The following HK3 variants were observed in gnomAD, a reference collection of about 807,000 sequenced individuals.
The protein encoded by HK3 is hexokinase-3.
A neutral mutation model predicts 91.0 loss-of-function variants in HK3; 93 were observed. That is an observed-to-expected ratio of 1.02 (90% CI 0.86 to 1.21). The LOEUF (loss-of-function observed/expected upper bound fraction) is 1.21. HK3 is among the 50% of genes most tolerant of loss of function. The pLI, the probability that HK3 is intolerant of heterozygous loss-of-function variation, is 0.00. For synonymous variants in HK3, 519 were observed against 516.9 expected (o/e 1.00, Z -0.06); for missense variants, 1,235 against 1,247.4 (o/e 0.99, Z 0.15).
In HK3 at chr5:176,891,392, G is replaced by T. The variant is rs751060895; in HGVS notation, c.255C>A (p.Gly85=). 1.2e-6 allele frequency: 2 copies of T among 1,612,758 alleles called. No homozygotes were observed. Among genetic ancestry groups the T allele is most frequent in the Admixed American group, 3.3e-5 (2 of 59,944 alleles). Residue 85 remains glycine, a synonymous_variant, in exon 3 of 19, where the codon GGC becomes GGA. Coordinates refer to ENST00000292432, the MANE Select transcript of HK3 (RefSeq NM_002115.3). ...LPTYVGSTPH[G]TEQGDFVVLE... ...ATCTCAATCTATGATACCCACCAGT[G>T]CCATGTGGGGTGGACCCCACGTATG...
chr5:176,891,178 G>A lies in HK3; in HGVS notation c.273C>T (p.Phe91=), dbSNP rs756951418. ...STPHGTEQGD[F]VVLELGATGA... is the part of the protein sequence containing the mutation. The stretch of plus-strand genomic sequence containing the variant: ...CTGTGGCCCCCAGCTCCAGCACCAC[G>A]AAGTCTCCTTGCTCTGGAGGGCAAG... The change falls in exon 4 of 19, where the codon TTC becomes TTT. Residue 91 remains phenylalanine, a synonymous_variant. Transcript: ENST00000292432. The A allele has an allele frequency of 7.4e-6, 12 of 1,614,122 alleles. No homozygotes were observed. Among genetic ancestry groups the A allele is most frequent in the East Asian group, 2.2e-5 (1 of 44,868 alleles).
chr5:176,889,236 G>A, intron 8 of HK3, 145 bp downstream of exon 8: 1 of 896,188 alleles, frequency 1.1e-6, no homozygotes, highest in Non-Finnish European at 1.7e-6. Flanking sequence ...TTTGAACCTG[G>A]CCAGGGCCCC....
chr5:176,896,230 G>A lies in HK3; in HGVS notation c.-26-45C>T. The A allele has an allele frequency of 7.2e-6, 8 of 1,104,108 alleles. No individual in the cohort carries two copies. In the South Asian group the frequency reaches 1.3e-4, roughly 17 times the overall value. The allele number at this position is 1,104,108 out of a possible 1,614,324, so 68.4% of individuals were successfully genotyped here. A position where few individuals can be genotyped will look rare whatever the true frequency, so the allele number is the denominator to read the frequency against. On this transcript the variant is annotated intron_variant, in intron 1 of 18. Coordinates refer to ENST00000292432, the MANE Select transcript of HK3 (RefSeq NM_002115.3). ...ACCTGGGTCAACCATTTACTCTATAGGCCCTAGGAGTCTGTAACCCAGACC... is the reference window on the plus strand; with the variant it reads ...ACCTGGGTCAACCATTTACTCTATAAGCCCTAGGAGTCTGTAACCCAGACC...
rs1243025667 is a variant in HK3, at chr5:176,890,674, A to G, written c.591T>C (p.Asp197=). The stretch of plus-strand genomic sequence containing the variant: ...TGGCATCTCTCAGCAGCTGGACCAC[A>G]TCCTGGCCTTCCACACCACTGCACC... ...GFRCSGVEGQ[D]VVQLLRDAIR... Residue 197 remains aspartate, a synonymous_variant, in exon 6 of 19, where the codon GAT becomes GAC. Coordinates refer to ENST00000292432, the MANE Select transcript of HK3 (RefSeq NM_002115.3). 1 of 1,614,086 alleles carries G rather than the reference A, an allele frequency of 6.2e-7. No individual in the cohort carries two copies.
In HK3 at chr5:176,881,393, C is replaced by T; in HGVS notation, c.2536G>A (p.Ala846Thr). Residue 846 changes from alanine to threonine, a missense_variant, in exon 18 of 19, where the codon GCC becomes ACC. By Grantham distance (58) the Ala-to-Thr change is moderately conservative (BLOSUM62 0). Coordinates refer to ENST00000292432, the MANE Select transcript of HK3 (RefSeq NM_002115.3). ...TTCTCCCGGATCTTCTCCACCACGGCAGCTACACCCGCCCCACAGAGCTGG... is the reference window on the plus strand; with the variant it reads ...TTCTCCCGGATCTTCTCCACCACGGTAGCTACACCCGCCCCACAGAGCTGG... ...AAQLCGAGVA[A>T]VVEKIRENRG... 6.2e-7 allele frequency: 1 copy of T among 1,613,588 alleles called. No individual in the cohort carries two copies. Among genetic ancestry groups the T allele is most frequent in the Non-Finnish European group, 8.5e-7 (1 of 1,180,034 alleles).
At chr5:176,888,079 A>G (rs1758650751) in intron 10 of HK3, among the ~76,000 whole-genome samples, 1 of 151,978 alleles carries the variant, frequency 6.6e-6, no homozygotes, top group South Asian at 2.1e-4. Context: ...TATCACTTCA[A>G]TTTGAAATCT....
chr5:176,888,929 C>T lies in HK3; in HGVS notation c.915-65G>A, dbSNP rs1320264166. On this transcript the variant is annotated intron_variant, in intron 8 of 18. Transcript: ENST00000292432. ...GCCCTCAGTCCACCTGGCCCTACCT[C>T]CAAGAGTTCCCAAAGAAGGATTCTT... 3.9e-6 allele frequency: 6 copies of T among 1,533,876 alleles called. No individual in the cohort carries two copies. The South Asian group carries it at 6.0e-5, about 15-fold the overall frequency.
intron 6 of HK3, among the ~76,000 whole-genome samples, chr5:176,890,182 C>T (rs374977182): frequency 2.0e-5 from 3 of 152,152 alleles, no homozygotes. Flanking sequence ...TTGTGTGTGG[C>T]CTTCTCTGAG....
At position 176,889,503 on chromosome 5, in the gene HK3, G is replaced by T; in HGVS notation, c.792C>A (p.Asp264Glu). Residue 264 changes from aspartate to glutamate, a missense_variant, in exon 8 of 19, where the codon GAC (aspartate) becomes GAA (glutamate). By Grantham distance (45) the Asp-to-Glu change is conservative (BLOSUM62 2). Transcript: ENST00000292432. ...CGACGCTGACGCAGACGCGGCCCCG[G>T]TCTTCGTCCAGCACTGCCACATGCC... ...EARHVAVLDE[D>E]RGRVCVSVEW... is the part of the protein sequence containing the mutation. 1 of 1,614,160 alleles carries T rather than the reference G, an allele frequency of 6.2e-7. No homozygotes were observed. Among genetic ancestry groups the T allele is most frequent in the Non-Finnish European group, 8.5e-7 (1 of 1,180,038 alleles).
At position 176,887,607 on chromosome 5, in the gene HK3, G is replaced by T; in HGVS notation, c.1444C>A (p.Leu482Met). The change falls in exon 11 of 19, where the codon CTG becomes ATG. Residue 482 changes from leucine (L) to methionine (M), a missense_variant. Leu to Met is a conservative substitution (Grantham distance 15). Coordinates refer to ENST00000292432, the MANE Select transcript of HK3 (RefSeq NM_002115.3). The surrounding 1 kb of genome is among the most constrained non-coding windows in gnomAD (Gnocchi z 4.9). ...AATGGGGCCAGGGTCTCCTCCAGCAGGCGCCGGTGGGCAGCCAGACGGGCA... is the reference window on the plus strand; with the variant it reads ...AATGGGGCCAGGGTCTCCTCCAGCATGCGCCGGTGGGCAGCCAGACGGGCA... ...VAARLAAHRR[L>M]LEETLAPFRL... 6.2e-7 allele frequency: 1 copy of T among 1,613,794 alleles called. No individual in the cohort carries two copies.
In HK3 at chr5:176,888,602, A is replaced by C. The variant is rs746709244; in HGVS notation, c.1071-37T>G. ...AGGGAAGTGGTTTGGGGCTCAGCCCAGAAGCTCCCCATCCCACTAAAGCCC... is the reference window on the plus strand; with the variant it reads ...AGGGAAGTGGTTTGGGGCTCAGCCCCGAAGCTCCCCATCCCACTAAAGCCC... On this transcript the variant is annotated intron_variant, in intron 9 of 18. Coordinates refer to ENST00000292432, the MANE Select transcript of HK3 (RefSeq NM_002115.3). 3.7e-4 allele frequency: 600 copies of C among 1,603,016 alleles called. 1 individual carries two copies. The highest frequency in any genetic ancestry group is 4.6e-4 in the Non-Finnish European group (536 of 1,172,900).
At position 176,881,703 on chromosome 5, in the gene HK3, A is replaced by G. The variant is rs1454934972; in HGVS notation, c.2382T>C (p.Ser794=). 1.2e-6 allele frequency: 2 copies of G among 1,611,754 alleles called. No individual in the cohort carries two copies. The highest frequency in any genetic ancestry group is 1.7e-6 in the Non-Finnish European group (2 of 1,178,038). Residue 794 remains serine, a synonymous_variant, in exon 17 of 19, where the codon TCT becomes TCC. Transcript: ENST00000292432. The part of the protein sequence containing the change: ...TRDIFKTKFL[S]EIESDSLALR... ...TAGGCCTCAGGCACCTTTCGATCTC[A>G]GAGAGGAACTTGGTCTTGAAGATGT...
intron 6 of HK3, 144 bp downstream of exon 6, chr5:176,890,491 T>TAGGTTAAACTGGATGG: frequency 2.8e-6 from 2 of 720,814 alleles, no homozygotes; most frequent in Admixed American, 2.1e-5. Flanking sequence ...GTACCATGTA[T>TAGGTTAAACTGGATGG]AGGTTAAACT....
At chr5:176,892,311 G>A (rs1012505265) in intron 2 of HK3, among the ~76,000 whole-genome samples, 2 of 152,140 alleles carry the variant, frequency 1.3e-5, no homozygotes, top group Non-Finnish European at 2.9e-5. Flanking sequence ...GTTCAAGAGG[G>A]TTTCCCTGAG....
At position 176,884,086 on chromosome 5, in the gene HK3, C is replaced by T. The variant is rs1758517308; in HGVS notation, c.1906G>A (p.Gly636Ser). ...CGCAACAGACTCACGACATCTTGGC[C>T]CTCGCAGTCTGATGCCTTGAAACCC... ...TKGFKASDCE[G>S]QDVVSLLREA... Residue 636 changes from glycine (G) to serine (S), a missense_variant, in exon 14 of 19, where the codon GGC (glycine) becomes AGC (serine). Gly to Ser is a moderately conservative substitution (Grantham distance 56). This residue lies in a region of HK3 where 513 missense variants were observed against 477.4 expected (regional missense o/e 1.07). Coordinates refer to ENST00000292432, the MANE Select transcript of HK3 (RefSeq NM_002115.3). The surrounding 1 kb of genome is among the most constrained non-coding windows in gnomAD (Gnocchi z 4.1). 1 of 1,614,046 alleles carries T rather than the reference C, an allele frequency of 6.2e-7. No individual in the cohort carries two copies. Among genetic ancestry groups the T allele is most frequent in the South Asian group, 1.1e-5 (1 of 91,082 alleles).
intron 15 of HK3, among the ~76,000 whole-genome samples, chr5:176,882,982 C>T (rs1758484461): frequency 6.6e-6 from 1 of 152,172 alleles, no homozygotes; most frequent in Admixed American, 6.5e-5. Context: ...GACCAATGCC[C>T]CAGGAGCTGT....
At position 176,881,726 on chromosome 5, in the gene HK3, T is replaced by C. The variant is rs1414630958; in HGVS notation, c.2359A>G (p.Ile787Val). Residue 787 changes from isoleucine (I) to valine (V), a missense_variant, in exon 17 of 19, where the codon ATC becomes GTC. Ile to Val is a conservative substitution (Grantham distance 29). Transcript: ENST00000292432. Reference protein sequence around the residue: ...QQIQRLQTRDIFKTKFLSEIE... With the variant: ...QQIQRLQTRDVFKTKFLSEIE... ...TCAGAGAGGAACTTGGTCTTGAAGA[T>C]GTCCCTGGTCTGAAGGCGCTGGATC... 1 of 1,614,182 alleles carries C rather than the reference T, an allele frequency of 6.2e-7. No homozygotes were observed. The highest frequency in any genetic ancestry group is 1.7e-5 in the Admixed American group (1 of 60,028).
At chr5:176,891,910 AGTT>A (rs1219068224) in intron 2 of HK3, among the ~76,000 whole-genome samples, 5 of 152,196 alleles carry the variant, frequency 3.3e-5, no homozygotes, top group Admixed American at 1.3e-4. Flanking sequence ...TCTCTCAGTG[AGTT>A]GTTGTTGAAC....
At chr5:176,883,305 C>T (rs1401139563) in intron 15 of HK3, among the ~76,000 whole-genome samples, 1 of 152,166 alleles carries the variant, frequency 6.6e-6, no homozygotes, top group Non-Finnish European at 1.5e-5. Context: ...TGGTCCCCTG[C>T]CCCCGCCCAG....
Sources: gnomAD v4.1 joint callset for allele counts (sites outside exome capture counted in the v4.1 genomes callset) on GRCh38, gnomAD v4.1.1 for gene constraint, gnomAD v4.1.1 regional missense constraint, Gnocchi (gnomAD v3.1) non-coding constraint, MANE v1.5 for transcripts, NCBI Gene and HGNC (gene_info 2026-07-23, HGNC 2026-07-21) for gene names.